MZT2B: variants seen among roughly 807,000 people sequenced by gnomAD.
MZT2B encodes mitotic spindle organizing protein 2B, also known as mitotic-spindle organizing protein 2B.
MZT2B carries 11 observed loss-of-function variants against 12.1 expected under a neutral mutation model. The ratio of observed to expected loss-of-function variants is 0.91; its 90% CI spans 0.57 to 1.50. MZT2B has a LOEUF of 1.50. Ranked by LOEUF, MZT2B falls within the 40% of genes most tolerant of loss-of-function variation. MZT2B has a pLI of 0.00. For synonymous variants in MZT2B, 85 were observed against 109.5 expected, an observed-to-expected ratio of 0.78 and a Z score of 1.40; for missense variants, 209 against 227.7, an observed-to-expected ratio of 0.92 and a Z score of 0.53.
At chr2:130,191,106 C>T (rs151171203), downstream of MZT2B, among the ~76,000 whole-genome samples, 31 of 152,188 alleles carry the variant, frequency 2.0e-4, no homozygotes, top group East Asian at 5.6e-3. Flanking sequence ...CCCATCACCA[C>T]GCCCGGCTAA....
At position 130,182,445 on chromosome 2, in the gene MZT2B, G is replaced by T. The variant is rs1375221703; in HGVS notation, c.163G>T (p.Val55Leu). Residue 55 changes from valine to leucine, a missense_variant, in exon 1 of 3, where the codon GTG becomes TTG. Val to Leu is a conservative substitution (Grantham distance 32). Transcript: ENST00000281871. ...GGCGGGCGGCGCTATCGACCCCGAC[G>T]TGTTCAAGTGAGCGGGGCGGGTGGG... ...QAAGGAIDPD[V>L]FKILVDLLKL... The T allele has an allele frequency of 6.4e-7, 1 of 1,558,238 alleles. No individual in the cohort carries two copies. The highest frequency in any genetic ancestry group is 1.4e-5 in the African/African-American group (1 of 73,666).
At chr2:130,200,756 T>TTTTA in the MZT2B span, among the ~76,000 whole-genome samples, 2 of 152,142 alleles carry the variant, frequency 1.3e-5, no homozygotes, top group Non-Finnish European at 2.9e-5. Context: ...GATTCTTCCT[T>TTTTA]TTTATTTATT....
chr2:130,204,711 GT>G, the MZT2B span, among the ~76,000 whole-genome samples: 4,424 of 52,166 alleles, frequency 0.085, 165 homozygotes, highest in African/African-American at 0.24. Flanking sequence ...AAAAGGGGGG[GT>G]GGGGAGGAAG....
At chr2:130,197,237 C>G in the MZT2B span, among the ~76,000 whole-genome samples, 6 of 152,096 alleles carry the variant, frequency 3.9e-5, no homozygotes, top group Admixed American at 1.3e-4. Context: ...TTCCTGTAAT[C>G]CCAGCACTTT....
chr2:130,193,606 CAAA>C (rs34918027), downstream of MZT2B, among the ~76,000 whole-genome samples: 155 of 95,052 alleles, frequency 1.6e-3, 1 homozygote, highest in African/African-American at 5.5e-3. Flanking sequence ...AAGACTGTCT[CAAA>C]AAAAAAAAAA....
chr2:130,186,310 C>G, intron 2 of MZT2B, among the ~76,000 whole-genome samples: 1 of 152,094 alleles, frequency 6.6e-6, no homozygotes, highest in East Asian at 1.9e-4. Context: ...TCCAGACAGC[C>G]TGTGGGGACA....
chr2:130,189,865 GA>G (rs113161062), intron 2 of MZT2B, among the ~76,000 whole-genome samples: 2,542 of 152,316 alleles, frequency 0.017, 55 homozygotes, highest in African/African-American at 0.057. Context: ...ACTGTGGCAG[GA>G]ACCCTGTCAT....
intron 2 of MZT2B, chr2:130,183,991 G>C (rs1381100275): frequency 6.5e-7 from 1 of 1,550,316 alleles, no homozygotes; most frequent in Non-Finnish European, 8.7e-7. Flanking sequence ...CTTATCTCTG[G>C]GGGTTGGTGC....
At chr2:130,183,826 C>G (rs1332194439) in intron 2 of MZT2B, 1 of 1,550,578 alleles carries the variant, frequency 6.4e-7, no homozygotes, top group East Asian at 2.4e-5. Flanking sequence ...AGCCCCCCTG[C>G]AAGGCCCTCC....
the MZT2B span, chr2:130,198,386 C>T: frequency 0.012 from 16,745 of 1,356,288 alleles, 4,582 homozygotes; most frequent in African/African-American, 0.22. Flanking sequence ...TTCAGCCCAA[C>T]GCTACTTCCA....
intron 1 of MZT2B, 76 bp from the exon 2 acceptor site, chr2:130,182,551 C>G: frequency 5.8e-6 from 9 of 1,563,876 alleles, no homozygotes; most frequent in Non-Finnish European, 7.8e-6. Flanking sequence ...CCCCCGCCCC[C>G]GTCCTTGTCG....
chr2:130,198,514 A>G, the MZT2B span: 13 of 950,890 alleles, frequency 1.4e-5, 1 homozygote, highest in Non-Finnish European at 1.6e-5. Flanking sequence ...CCTGGGAGGC[A>G]GGCCGAGGGC....
At chr2:130,186,375 A>G (rs112845093) in intron 2 of MZT2B, among the ~76,000 whole-genome samples, 2,540 of 152,322 alleles carry the variant, frequency 0.017, 55 homozygotes, top group African/African-American at 0.056. Context: ...AAACCCCAGA[A>G]GCACAGAGGG....
chr2:130,187,368 TG>T (rs1690106033), intron 2 of MZT2B, among the ~76,000 whole-genome samples: 1 of 152,106 alleles, frequency 6.6e-6, no homozygotes, highest in African/African-American at 2.4e-5. Context: ...TTTAATTTTT[TG>T]TAGAGATGGA....
intron 2 of MZT2B, among the ~76,000 whole-genome samples, chr2:130,186,402 TGA>T (rs1690066307): frequency 6.6e-6 from 1 of 152,162 alleles, no homozygotes; most frequent in Admixed American, 6.5e-5. Context: ...CTTGTCTTGG[TGA>T]GAGTCTGGAG....
chr2:130,182,705 G>T lies in MZT2B; in HGVS notation c.249G>T (p.Gln83His). ...TGCTCAAGTCCATGTGTGCCGGGCA[G>T]AGGCTAGCGAGCGAGCCCCAGGACC... ...FQMLKSMCAG[Q>H]RLASEPQDPA... is the part of the protein sequence containing the mutation. Residue 83 changes from glutamine to histidine, a missense_variant, in exon 2 of 3, where the codon CAG becomes CAT. Physicochemically the swap from Gln to His is conservative, Grantham distance 24. Coordinates refer to ENST00000281871, the MANE Select transcript of MZT2B (RefSeq NM_025029.5). 6.5e-7 allele frequency: 1 copy of T among 1,543,930 alleles called. No homozygotes were observed. The highest frequency in any genetic ancestry group is 8.7e-7 in the Non-Finnish European group (1 of 1,143,066).
At chr2:130,188,066 C>CTT (rs1269533068) in intron 2 of MZT2B, 2 of 138,226 alleles carry the variant, frequency 1.4e-5, no homozygotes, top group Non-Finnish European at 3.2e-5. Flanking sequence ...CCCCACCACT[C>CTT]AAAAAAAAAA....
At chr2:130,198,936 C>T in the MZT2B span, among the ~76,000 whole-genome samples, 1 of 124,334 alleles carries the variant, frequency 8.0e-6, no homozygotes, top group South Asian at 2.7e-4. Flanking sequence ...ACGGGCCGGG[C>T]GCGATGGCTA....
At chr2:130,195,647 T>A (rs1690385869), downstream of MZT2B, among the ~76,000 whole-genome samples, 1 of 152,218 alleles carries the variant, frequency 6.6e-6, no homozygotes, top group South Asian at 2.1e-4. Context: ...TCCCACAGGC[T>A]TTCAGGTGAT....
Sources: allele counts gnomAD v4.1 joint callset (sites outside exome capture counted in the v4.1 genomes callset), GRCh38; gene constraint gnomAD v4.1.1; transcripts MANE v1.5; gene names NCBI Gene and HGNC (gene_info 2026-07-23, HGNC 2026-07-21).